CNTN6: variants seen among roughly 807,000 people sequenced by gnomAD.
The protein encoded by CNTN6 is contactin 6.
A neutral mutation model predicts 122.8 loss-of-function variants in CNTN6; 137 were observed. That is an observed-to-expected ratio of 1.12 (90% confidence interval 0.97 to 1.29). The LOEUF is 1.29. Ranked by LOEUF, CNTN6 falls within the 50% of genes most tolerant of loss-of-function variation. The pLI is 0.00. For missense variants in CNTN6, 1,634 were observed against 1,223.4 expected, an observed-to-expected ratio of 1.34 and a Z score of -5.01; for synonymous variants, 570 against 426.0, an observed-to-expected ratio of 1.34 and a Z score of -4.16.
chr3:1,096,969 TC>T lies in CNTN6; in HGVS notation c.-83+3850del, dbSNP rs542285880. Among the ~76,000 whole-genome samples the T allele has an allele frequency of 2.5e-4, 38 of 152,204 alleles. No homozygotes were observed. In the South Asian group the frequency reaches 7.9e-3, roughly 31 times the overall value. On this transcript the variant is annotated intron_variant, in intron 1 of 22. Coordinates refer to ENST00000446702, the MANE Select transcript of CNTN6 (RefSeq NM_001289080.2). ...GGACAATAGAGGACATTTAAAAATCTCTTTATTTAAGGAGTTTTAAATAGCA... is the reference window on the plus strand; with the variant it reads ...GGACAATAGAGGACATTTAAAAATCTTTTATTTAAGGAGTTTTAAATAGCA...
At position 1,403,999 on chromosome 3, in the gene CNTN6, A is replaced by G. The variant is rs1395327010; in HGVS notation, c.*581A>G. On this transcript the variant is annotated 3_prime_UTR_variant, in exon 23 of 23. Coordinates refer to ENST00000446702, the MANE Select transcript of CNTN6 (RefSeq NM_001289080.2). ...CCACTTTTCAGAAGATTCAGTCACA[A>G]TAAAGGCAGAAAAAGTATTTTATGG... is the stretch of plus-strand genomic sequence containing the variant. The G allele has an allele frequency of 6.6e-6, 1 of 152,160 alleles. No homozygotes were observed. The highest frequency in any genetic ancestry group is 1.5e-5 in the Non-Finnish European group (1 of 68,028). The allele number at this position is 152,160 out of a possible 1,614,324, so 9.4% of individuals were successfully genotyped here.
intron 2 of CNTN6, among the ~76,000 whole-genome samples, chr3:1,160,452 AGTT>A (rs1662954752): frequency 6.7e-6 from 1 of 149,488 alleles, no homozygotes; most frequent in South Asian, 2.1e-4. Context: ...GATTCATCCA[AGTT>A]GTTGTGTATA....
At chr3:1,183,753 A>C (rs890152984) in intron 2 of CNTN6, among the ~76,000 whole-genome samples, 1 of 152,188 alleles carries the variant, frequency 6.6e-6, no homozygotes, top group Non-Finnish European at 1.5e-5. Context: ...GCTTCAAAAA[A>C]AAACACATTT....
intron 2 of CNTN6, among the ~76,000 whole-genome samples, chr3:1,192,205 T>C (rs994988945): frequency 1.2e-4 from 18 of 152,132 alleles, no homozygotes; most frequent in African/African-American, 3.6e-4. Flanking sequence ...AAAGCCTTCA[T>C]TGATTCTTTT....
At chr3:1,145,504 T>C (rs565918728) in intron 1 of CNTN6, among the ~76,000 whole-genome samples, 1 of 152,020 alleles carries the variant, frequency 6.6e-6, no homozygotes, top group Non-Finnish European at 1.5e-5. Context: ...GGTAAAAAAA[T>C]AATGAATATC....
intron 1 of CNTN6, among the ~76,000 whole-genome samples, chr3:1,128,582 A>T (rs960436859): frequency 6.6e-6 from 1 of 152,062 alleles, no homozygotes; most frequent in African/African-American, 2.4e-5. Context: ...ATCAACGATT[A>T]TCTAGAGAAG....
intron 4 of CNTN6, among the ~76,000 whole-genome samples, chr3:1,243,036 AC>A (rs2094508434): frequency 6.6e-6 from 1 of 152,132 alleles, no homozygotes; most frequent in African/African-American, 2.4e-5. Flanking sequence ...GTGATGGTCT[AC>A]GGGGCTTCCA....
chr3:1,096,408 A>G (rs1310834283), intron 1 of CNTN6, among the ~76,000 whole-genome samples: 1 of 151,922 alleles, frequency 6.6e-6, no homozygotes, highest in Non-Finnish European at 1.5e-5. Context: ...TTGTCCCTTA[A>G]CTGGGCGTGG....
chr3:1,241,155 C>T (rs1377983238), intron 4 of CNTN6, among the ~76,000 whole-genome samples: 1 of 152,106 alleles, frequency 6.6e-6, no homozygotes, highest in East Asian at 1.9e-4. Flanking sequence ...TTTTGTGGAT[C>T]TTCAGTTACT....
At chr3:1,401,253 C>T (rs890906771) in intron 20 of CNTN6, 180 bp from the exon 21 acceptor site, 1 of 538,472 alleles carries the variant, frequency 1.9e-6, no homozygotes, top group Non-Finnish European at 3.3e-6. Context: ...CCCAAATGAC[C>T]AGATTTGAAT....
At chr3:1,291,567 CT>C in intron 5 of CNTN6, among the ~76,000 whole-genome samples, 1 of 152,306 alleles carries the variant, frequency 6.6e-6, no homozygotes, top group African/African-American at 2.4e-5. Context: ...AGACATGGCC[CT>C]GGGAATTTGC....
intron 11 of CNTN6, among the ~76,000 whole-genome samples, chr3:1,347,392 A>T (rs1417645608): frequency 2.0e-5 from 3 of 152,144 alleles, no homozygotes; most frequent in Non-Finnish European, 4.4e-5. Flanking sequence ...AAAATATTCT[A>T]ATTAAGTGGA....
chr3:1,401,893 C>T (rs1003096965), intron 21 of CNTN6, among the ~76,000 whole-genome samples: 2 of 151,940 alleles, frequency 1.3e-5, no homozygotes, highest in Non-Finnish European at 2.9e-5. Flanking sequence ...ACTTAGGCTG[C>T]AGTATGATGT....
At chr3:1,334,815 A>G (rs563870292) in intron 11 of CNTN6, among the ~76,000 whole-genome samples, 1 of 152,292 alleles carries the variant, frequency 6.6e-6, no homozygotes, top group South Asian at 2.1e-4. Flanking sequence ...GTGTTGCTAA[A>G]TTAATAAAAG....
At chr3:1,308,382 G>A (rs1318174161) in intron 7 of CNTN6, among the ~76,000 whole-genome samples, 2 of 150,882 alleles carry the variant, frequency 1.3e-5, no homozygotes, top group Non-Finnish European at 3.0e-5. Flanking sequence ...CATCTTGTAT[G>A]TTTCATGCCC....
chr3:1,204,735 C>T (rs1404332706), intron 2 of CNTN6, among the ~76,000 whole-genome samples: 5 of 152,062 alleles, frequency 3.3e-5, no homozygotes, highest in African/African-American at 4.8e-5. Context: ...AACATTAGTG[C>T]CTTATTGCTG....
intron 12 of CNTN6, among the ~76,000 whole-genome samples, chr3:1,369,464 A>G (rs1402011290): frequency 6.6e-6 from 1 of 151,714 alleles, no homozygotes; most frequent in Non-Finnish European, 1.5e-5. Flanking sequence ...TACATGCTCA[A>G]TAAATATTAG....
chr3:1,162,398 G>A (rs949070409), intron 2 of CNTN6, among the ~76,000 whole-genome samples: 4 of 145,990 alleles, frequency 2.7e-5, no homozygotes, highest in Non-Finnish European at 3.0e-5. Flanking sequence ...GCTCAGAAGG[G>A]AGGGGAAAAA....
intron 4 of CNTN6, among the ~76,000 whole-genome samples, chr3:1,260,240 AT>A (rs2125703799): frequency 6.6e-6 from 1 of 150,852 alleles, no homozygotes; most frequent in South Asian, 2.1e-4. Flanking sequence ...TATCAAAAAC[AT>A]TTTTTGTTTG....
Sources: gnomAD v4.1 joint callset for allele counts (sites outside exome capture counted in the v4.1 genomes callset) on GRCh38, gnomAD v4.1.1 for gene constraint, MANE v1.5 for transcripts, NCBI Gene and HGNC (gene_info 2026-07-23, HGNC 2026-07-21) for gene names.